THSD4: variants seen among roughly 807,000 people sequenced by gnomAD.
The protein encoded by THSD4 is thrombospondin type 1 domain containing 4, also known as thrombospondin type-1 domain-containing protein 4.
In THSD4, 69 loss-of-function variants were observed where a neutral mutation model predicts 119.0. The observed-to-expected ratio is 0.58, with a 90% CI of 0.48 to 0.71. The LOEUF (loss-of-function observed/expected upper bound fraction) is 0.71. THSD4 is among the 30% of genes least tolerant of loss of function. The pLI is 0.00. For missense variants in THSD4, 1,393 were observed against 1,391.1 expected, an observed-to-expected ratio of 1.00 and a Z score of -0.02; for synonymous variants, 524 against 540.4, an observed-to-expected ratio of 0.97 and a Z score of 0.42.
At chr15:71,560,320 C>G (rs1236700483) in intron 7 of THSD4, among the ~76,000 whole-genome samples, 1 of 152,144 alleles carries the variant, frequency 6.6e-6, no homozygotes, top group Non-Finnish European at 1.5e-5. Flanking sequence ...GAATTAAATT[C>G]AACAACCATG....
At chr15:71,473,933 T>C (rs1337582785) in intron 7 of THSD4, among the ~76,000 whole-genome samples, 1 of 152,202 alleles carries the variant, frequency 6.6e-6, no homozygotes, top group Non-Finnish European at 1.5e-5. Context: ...GGGCAGGGCC[T>C]ATATGGTGGT....
intron 1 of THSD4, among the ~76,000 whole-genome samples, chr15:71,102,361 A>G (rs2040257058): frequency 6.6e-6 from 1 of 152,102 alleles, no homozygotes. Flanking sequence ...AATGACACAA[A>G]TATTAAACTT....
chr15:71,724,287 A>ATATATTTTTT, intron 8 of THSD4, among the ~76,000 whole-genome samples: 1 of 37,282 alleles, frequency 2.7e-5, no homozygotes, highest in Admixed American at 4.1e-4. Context: ...ATATATATAT[A>ATATATTTTTT]TTTTTTTTTT....
chr15:71,137,196 G>A (rs1199797806), intron 1 of THSD4, among the ~76,000 whole-genome samples: 1 of 152,114 alleles, frequency 6.6e-6, no homozygotes, highest in Non-Finnish European at 1.5e-5. Flanking sequence ...AAGGCGGACA[G>A]AGCTCCGCAG....
chr15:71,577,385 G>C (rs1242766130), intron 7 of THSD4, among the ~76,000 whole-genome samples: 1 of 152,092 alleles, frequency 6.6e-6, no homozygotes, highest in Non-Finnish European at 1.5e-5. Context: ...TCTAATCCTT[G>C]GCTTCTCACA....
In THSD4 at chr15:71,369,844, C is replaced by G. The variant is rs543168631; in HGVS notation, c.1016-41843C>G. ...CTTTTTCTATTGATTGGAATAGTTT[C>G]AGAAGGAATGGTACCAGTTCCTCCT... On this transcript the variant is annotated intron_variant, in intron 6 of 17. Coordinates refer to ENST00000261862, the MANE Select transcript of THSD4 (RefSeq NM_024817.3). 8.5e-5 allele frequency among the ~76,000 whole-genome samples: 13 copies of G among 152,264 alleles called. No individual in the cohort carries two copies. In the East Asian group the frequency reaches 2.3e-3, roughly 27 times the overall value.
chr15:71,144,832 A>C (rs1363973703), intron 2 of THSD4, among the ~76,000 whole-genome samples: 2 of 152,210 alleles, frequency 1.3e-5, no homozygotes, highest in African/African-American at 4.8e-5. Context: ...TTATCATTGA[A>C]TCTTGGACAA....
chr15:71,452,230 G>T (rs1360188866), intron 7 of THSD4, among the ~76,000 whole-genome samples: 1 of 152,160 alleles, frequency 6.6e-6, no homozygotes, highest in Non-Finnish European at 1.5e-5. Context: ...CTCTCCTGCA[G>T]CTGTCCTGTG....
At chr15:71,549,107 A>G (rs1432126300) in intron 7 of THSD4, among the ~76,000 whole-genome samples, 1 of 152,234 alleles carries the variant, frequency 6.6e-6, no homozygotes, top group Non-Finnish European at 1.5e-5. Flanking sequence ...AATGAAAGGG[A>G]TTATACAGGC....
intron 6 of THSD4, among the ~76,000 whole-genome samples, chr15:71,375,413 G>C (rs900379092): frequency 6.6e-6 from 1 of 152,044 alleles, no homozygotes; most frequent in African/African-American, 2.4e-5. Context: ...TGTTCTCATC[G>C]CTGCCTATGC....
At chr15:71,533,459 G>GT (rs926556626) in intron 7 of THSD4, among the ~76,000 whole-genome samples, 2 of 152,016 alleles carry the variant, frequency 1.3e-5, no homozygotes, top group African/African-American at 4.8e-5. Flanking sequence ...CAACACCTTA[G>GT]TTTTATAATT....
At position 71,783,301 on chromosome 15, in the gene THSD4, TC is replaced by T. The variant is rs1476891477; in HGVS notation, c.*5928del. 5 of 152,380 alleles carry T rather than the reference TC, an allele frequency of 3.3e-5. No homozygotes were observed. The South Asian group carries it at 6.2e-4, about 19-fold the overall frequency. The allele number at this position is 152,380 out of a possible 1,614,324, so 9.4% of individuals were successfully genotyped here. ...CTGCTTTGTTGACAAGCGTGTGCTT[TC>T]TCTGGCCTTATTCGCGTTCTGTTCT... On this transcript the variant is annotated 3_prime_UTR_variant, in exon 18 of 18. Coordinates refer to ENST00000261862, the MANE Select transcript of THSD4 (RefSeq NM_024817.3).
chr15:71,284,838 C>T (rs184977818), intron 6 of THSD4, among the ~76,000 whole-genome samples: 107 of 151,984 alleles, frequency 7.0e-4, no homozygotes, highest in African/African-American at 2.5e-3. Context: ...TAAAAAAAAA[C>T]AATTCAACAG....
chr15:71,461,564 G>T (rs1182055963), intron 7 of THSD4, among the ~76,000 whole-genome samples: 1 of 152,182 alleles, frequency 6.6e-6, no homozygotes, highest in African/African-American at 2.4e-5. Flanking sequence ...GAAGCAAATA[G>T]ATCCTGTTGG....
At chr15:71,215,486 C>G in intron 4 of THSD4, 87 bp downstream of exon 4, 1 of 1,302,706 alleles carries the variant, frequency 7.7e-7, no homozygotes, top group Non-Finnish European at 1.0e-6. Flanking sequence ...CGCTGCTCTG[C>G]ACCACAGACA....
intron 6 of THSD4, among the ~76,000 whole-genome samples, chr15:71,378,383 T>G (rs928096606): frequency 3.9e-5 from 6 of 152,212 alleles, no homozygotes; most frequent in African/African-American, 1.4e-4. Context: ...AGTAGATGGC[T>G]AGCCAGCTTC....
intron 3 of THSD4, among the ~76,000 whole-genome samples, chr15:71,169,487 T>A (rs576142795): frequency 6.6e-6 from 1 of 152,312 alleles, no homozygotes; most frequent in East Asian, 1.9e-4. Context: ...TTCAGAGTAG[T>A]TTCCTTTACA....
At chr15:71,676,320 C>T (rs912253499) in intron 8 of THSD4, among the ~76,000 whole-genome samples, 24 of 152,086 alleles carry the variant, frequency 1.6e-4, no homozygotes, top group African/African-American at 3.6e-4. Flanking sequence ...CTCGCTGTGT[C>T]GCCCAGGTTG....
At chr15:71,763,319 T>C (rs2053656885) in intron 15 of THSD4, among the ~76,000 whole-genome samples, 3 of 152,160 alleles carry the variant, frequency 2.0e-5, no homozygotes, top group African/African-American at 7.2e-5. Flanking sequence ...ATTTAGAGTT[T>C]GAACTGCAGA....
Sources: allele counts gnomAD v4.1 joint callset (sites outside exome capture counted in the v4.1 genomes callset), GRCh38; gene constraint gnomAD v4.1.1; transcripts MANE v1.5; gene names NCBI Gene and HGNC (gene_info 2026-07-23, HGNC 2026-07-21).